The following LIN52 variants were observed in gnomAD, a reference collection of about 807,000 sequenced individuals.
LIN52 encodes the protein protein lin-52 homolog.
Under a neutral mutation model 18.5 loss-of-function variants are expected in LIN52, and 4 were observed. That is an observed-to-expected ratio of 0.22 (90% CI 0.11 to 0.49). LIN52 has a LOEUF of 0.49. Among genes scored for constraint, LIN52 ranks in the 20% least tolerant of loss-of-function variants. LIN52 has a pLI of 0.97. For missense variants in LIN52, 102 were observed against 139.5 expected (o/e 0.73, Z 1.35); for synonymous variants, 34 against 45.5 (o/e 0.75, Z 1.02).
chr14:74,166,799 A>T (rs940767877), intron 5 of LIN52, among the ~76,000 whole-genome samples: 1 of 152,196 alleles, frequency 6.6e-6, no homozygotes, highest in Non-Finnish European at 1.5e-5. Context: ...ATAAAATTCT[A>T]TGCCAATTTT....
At chr14:74,181,435 CAAAAAA>C (rs35376861) in intron 5 of LIN52, among the ~76,000 whole-genome samples, 1 of 108,426 alleles carries the variant, frequency 9.2e-6, no homozygotes, top group Admixed American at 9.1e-5. Context: ...AAGACCCTGT[CAAAAAA>C]AAAAAAAAAA....
chr14:74,179,606 A>G (rs1304383837), intron 5 of LIN52, among the ~76,000 whole-genome samples: 1 of 151,200 alleles, frequency 6.6e-6, no homozygotes, highest in African/African-American at 2.4e-5. Flanking sequence ...CAGTGAACCA[A>G]GATCAGGCCA....
intron 5 of LIN52, among the ~76,000 whole-genome samples, chr14:74,144,066 C>T (rs973801143): frequency 6.6e-6 from 1 of 151,830 alleles, no homozygotes; most frequent in Non-Finnish European, 1.5e-5. Flanking sequence ...GCTTATTTCA[C>T]TTAACATGAT....
intron 5 of LIN52, among the ~76,000 whole-genome samples, chr14:74,173,889 C>A (rs974714): frequency 0.78 from 118,047 of 152,160 alleles, 46,113 homozygotes; most frequent in Admixed American, 0.81. Flanking sequence ...ATTTTCTGCC[C>A]GTTCTCTTGC....
intron 5 of LIN52, among the ~76,000 whole-genome samples, chr14:74,160,044 C>G (rs1332569399): frequency 6.6e-6 from 1 of 151,908 alleles, no homozygotes; most frequent in African/African-American, 2.4e-5. Context: ...GAATTTTGTC[C>G]CCTGAAAAAG....
intron 5 of LIN52, among the ~76,000 whole-genome samples, chr14:74,171,590 A>G (rs1006400943): frequency 6.6e-6 from 1 of 152,150 alleles, no homozygotes; most frequent in African/African-American, 2.4e-5. Context: ...AAAAGCCATT[A>G]TACTAGAAAT....
intron 5 of LIN52, among the ~76,000 whole-genome samples, chr14:74,113,524 C>A (rs1371701048): frequency 1.3e-5 from 2 of 152,012 alleles, no homozygotes; most frequent in African/African-American, 4.8e-5. Context: ...AGGAACGGTG[C>A]GAGTGGTTGA....
intron 1 of LIN52, among the ~76,000 whole-genome samples, chr14:74,090,817 A>G (rs1418825375): frequency 6.6e-6 from 1 of 152,232 alleles, no homozygotes; most frequent in Non-Finnish European, 1.5e-5. Flanking sequence ...GAGAAGGTAG[A>G]AACTGATGGT....
At chr14:74,187,603 A>G (rs1314342882) in intron 5 of LIN52, among the ~76,000 whole-genome samples, 2 of 152,210 alleles carry the variant, frequency 1.3e-5, no homozygotes, top group Non-Finnish European at 2.9e-5. Context: ...CACAGCAAAA[A>G]TATCTTACAG....
chr14:74,130,256 T>TTTA (rs2061053623), intron 5 of LIN52, among the ~76,000 whole-genome samples: 1 of 150,294 alleles, frequency 6.7e-6, no homozygotes, highest in Non-Finnish European at 1.5e-5. Flanking sequence ...GAATGAGGAA[T>TTTA]TTATTAGATA....
At chr14:74,195,822 C>T (rs375629987) in intron 5 of LIN52, among the ~76,000 whole-genome samples, 1 of 152,094 alleles carries the variant, frequency 6.6e-6, no homozygotes, top group Non-Finnish European at 1.5e-5. Flanking sequence ...AGAATCTTCG[C>T]CCTGCAGCAG....
chr14:74,097,419 CTTTT>C (rs1326906442), intron 3 of LIN52, among the ~76,000 whole-genome samples: 1 of 124,472 alleles, frequency 8.0e-6, no homozygotes, highest in Non-Finnish European at 1.6e-5. Context: ...TGCATTTTTT[CTTTT>C]TCTTTTTTTT....
intron 5 of LIN52, among the ~76,000 whole-genome samples, chr14:74,191,619 G>C (rs975516415): frequency 1.3e-5 from 2 of 151,800 alleles, no homozygotes; most frequent in African/African-American, 4.8e-5. Flanking sequence ...AACTAAACTG[G>C]GGTTTTTTTC....
chr14:74,150,589 T>C (rs1416899511), intron 5 of LIN52, among the ~76,000 whole-genome samples: 1 of 152,210 alleles, frequency 6.6e-6, no homozygotes, highest in Non-Finnish European at 1.5e-5. Flanking sequence ...TGATTCTCTA[T>C]GTACCTATAT....
chr14:74,167,978 GGTTT>G (rs60170313), intron 5 of LIN52, among the ~76,000 whole-genome samples: 2,258 of 152,226 alleles, frequency 0.015, 51 homozygotes, highest in African/African-American at 0.052. Flanking sequence ...TTTGTTTTGG[GGTTT>G]GTTTATTTGT....
intron 5 of LIN52, among the ~76,000 whole-genome samples, chr14:74,187,835 G>A (rs1354619887): frequency 6.6e-6 from 1 of 152,120 alleles, no homozygotes; most frequent in Non-Finnish European, 1.5e-5. Context: ...GCACTTAACT[G>A]TATTATCTTT....
intron 5 of LIN52, among the ~76,000 whole-genome samples, chr14:74,128,406 C>T (rs2061040133): frequency 6.6e-6 from 1 of 152,082 alleles, no homozygotes; most frequent in South Asian, 2.1e-4. Context: ...GAGGGAGCTT[C>T]TTGAGGATGA....
chr14:74,157,549 T>C (rs941960462), intron 5 of LIN52, among the ~76,000 whole-genome samples: 2 of 151,458 alleles, frequency 1.3e-5, no homozygotes, highest in African/African-American at 2.4e-5. Flanking sequence ...CCACCTCAGC[T>C]TCGACCTCCT....
chr14:74,158,658 A>C (rs2061211369), intron 5 of LIN52, among the ~76,000 whole-genome samples: 1 of 151,888 alleles, frequency 6.6e-6, no homozygotes, highest in African/African-American at 2.4e-5. Flanking sequence ...TTGTATTTTT[A>C]GTAGAGATGG....
Sources: allele counts gnomAD v4.1 joint callset (sites outside exome capture counted in the v4.1 genomes callset), GRCh38; gene constraint gnomAD v4.1.1; transcripts MANE v1.5; gene names NCBI Gene and HGNC (gene_info 2026-07-23, HGNC 2026-07-21).